NSF: variants seen among roughly 807,000 people sequenced by gnomAD.
The protein encoded by NSF is vesicle-fusing ATPase.
In NSF, 14 loss-of-function variants were observed where a neutral mutation model predicts 50.3. That is an observed-to-expected ratio of 0.28 (90% CI 0.18 to 0.44). The LOEUF is 0.44. NSF is among the 20% of genes least tolerant of loss of function. The probability of loss-of-function intolerance (pLI) is 1.00; values close to 1 mark genes in which losing one functional copy is unlikely to be tolerated. For synonymous variants in NSF, 109 were observed against 175.7 expected (o/e 0.62, Z 3.00); for missense variants, 218 against 504.3 (o/e 0.43, Z 5.44).
At chr17:46,635,776 A>AGTGT (rs1473035591) in intron 4 of NSF, among the ~76,000 whole-genome samples, 1 of 11,266 alleles carries the variant, frequency 8.9e-5, no homozygotes, top group Non-Finnish European at 3.2e-4. Context: ...AGGGAAAATA[A>AGTGT]ATGTGTGTGT....
chr17:46,699,402 GACACACACAC>G (rs4061825), intron 12 of NSF, among the ~76,000 whole-genome samples: 5 of 148,320 alleles, frequency 3.4e-5, no homozygotes, highest in Admixed American at 2.0e-4. Context: ...ATAAACTGAG[GACACACACAC>G]ACACACACAC....
At chr17:46,720,813 G>A (rs770559307) in intron 15 of NSF, among the ~76,000 whole-genome samples, 19 of 152,158 alleles carry the variant, frequency 1.2e-4, no homozygotes, top group Non-Finnish European at 2.2e-4. Flanking sequence ...CAGAGTGTTT[G>A]GCTTTGCTTA....
chr17:46,676,294 G>A (rs1241331327), intron 9 of NSF, among the ~76,000 whole-genome samples: 2 of 140,820 alleles, frequency 1.4e-5, no homozygotes, highest in African/African-American at 2.9e-5. Flanking sequence ...GTGCAATGGC[G>A]TGATCTCGGC....
chr17:46,676,478 C>T lies in NSF; in HGVS notation c.945+1865C>T, dbSNP rs988459935. On this transcript the variant is annotated intron_variant, in intron 9 of 20. Transcript: ENST00000398238. ...AGCTCCCAGCCTCAGGTGATCTGCC[C>T]GCCTTGGCCTCCCAAAGTGCTGAGA... Among the ~76,000 whole-genome samples the T allele has an allele frequency of 3.6e-4, 51 of 143,614 alleles. 5 individuals carry two copies. The highest frequency in any genetic ancestry group is 1.3e-3 in the African/African-American group (49 of 36,352). 94.2% of individuals were successfully genotyped at this position (143,614 alleles called of 152,430 possible).
intron 1 of NSF, among the ~76,000 whole-genome samples, chr17:46,595,553 T>C (rs1323925729): frequency 7.6e-6 from 1 of 131,322 alleles, no homozygotes; most frequent in Non-Finnish European, 1.5e-5. Context: ...TGCAGTGGTG[T>C]TATCTTGGCC....
At chr17:46,748,363 C>T (rs924443805) in intron 17 of NSF, among the ~76,000 whole-genome samples, 7 of 152,300 alleles carry the variant, frequency 4.6e-5, no homozygotes, top group South Asian at 2.1e-4. Flanking sequence ...CCACCTGCCT[C>T]GGCCTCCCAC....
intron 9 of NSF, among the ~76,000 whole-genome samples, chr17:46,684,898 C>T (rs895185340): frequency 9.8e-6 from 1 of 101,786 alleles, no homozygotes; most frequent in Non-Finnish European, 2.0e-5. Flanking sequence ...GATGTAATTT[C>T]TAGTGTGATG....
At chr17:46,728,391 T>A (rs1038930650) in intron 16 of NSF, among the ~76,000 whole-genome samples, 2 of 152,098 alleles carry the variant, frequency 1.3e-5, no homozygotes, top group African/African-American at 4.8e-5. Context: ...CACCTGGAAT[T>A]TTTTTTTCCT....
chr17:46,756,018 G>GGTGT lies in NSF; in HGVS notation c.*196_*199dup. 1 of 568,120 alleles carries GGTGT rather than the reference G, an allele frequency of 1.8e-6. No individual in the cohort carries two copies. Among genetic ancestry groups the GGTGT allele is most frequent in the Non-Finnish European group, 3.1e-6 (1 of 326,872 alleles). The allele number at this position is 568,120 out of a possible 1,614,324, so 35.2% of individuals were successfully genotyped here. A position where few individuals can be genotyped will look rare whatever the true frequency, so the allele number is the denominator to read the frequency against. On this transcript the variant is annotated 3_prime_UTR_variant, in exon 21 of 21. Coordinates refer to ENST00000398238, the MANE Select transcript of NSF (RefSeq NM_006178.4). ...TGAGATAGCTTAGTGTCTCGTGGAA[G>GGTGT]GTGTCAATTTGGTTTAGAATGCTGC...
At chr17:46,752,443 A>G (rs2059190381) in intron 19 of NSF, among the ~76,000 whole-genome samples, 2 of 152,120 alleles carry the variant, frequency 1.3e-5, no homozygotes, top group South Asian at 4.1e-4. Flanking sequence ...GAAGGTGCTC[A>G]GTAAACTTTT....
chr17:46,716,012 C>A (rs2058765181), intron 15 of NSF, among the ~76,000 whole-genome samples: 1 of 152,066 alleles, frequency 6.6e-6, no homozygotes, highest in Admixed American at 6.5e-5. Context: ...AAATATTATT[C>A]TTTGTCATTA....
chr17:46,703,732 C>T lies in NSF; in HGVS notation c.1375-1027C>T, dbSNP rs370800423. Reference sequence around the variant, plus strand: ...AAAAACAGAAAACCATAAAATTTACCGTGTAACCATTTTAAATGTACAATT... The same window carrying T: ...AAAAACAGAAAACCATAAAATTTACTGTGTAACCATTTTAAATGTACAATT... On this transcript the variant is annotated intron_variant, in intron 12 of 20. Transcript: ENST00000398238. Among the ~76,000 whole-genome samples the T allele has an allele frequency of 5.8e-4, 87 of 149,154 alleles. 1 individual carries two copies. Among genetic ancestry groups the T allele is most frequent in the East Asian group, 5.7e-3 (29 of 5,108 alleles).
chr17:46,736,306 G>A (rs772991852), intron 17 of NSF, among the ~76,000 whole-genome samples: 2 of 152,210 alleles, frequency 1.3e-5, no homozygotes, highest in Admixed American at 6.5e-5. Flanking sequence ...TGGCCCACCT[G>A]CTTCCTTTCC....
At chr17:46,755,722 ATT>A (rs71138549) in intron 20 of NSF, 78 bp from the exon 21 acceptor site, 121,399 of 1,006,606 alleles carry the variant, frequency 0.12, 1,238 homozygotes, top group East Asian at 0.41. Flanking sequence ...GCTTTTAGTG[ATT>A]TTTTTTTTTT....
At chr17:46,608,860 C>G (rs1436165013) in intron 1 of NSF, among the ~76,000 whole-genome samples, 1 of 151,958 alleles carries the variant, frequency 6.6e-6, no homozygotes, top group Non-Finnish European at 1.5e-5. Context: ...TCCCAAAGTG[C>G]TGGGATTACA....
In NSF at chr17:46,707,863, C is replaced by G. The variant is rs558764483; in HGVS notation, c.1470+3009C>G. Among the ~76,000 whole-genome samples, 13 of 152,058 alleles carry G rather than the reference C, an allele frequency of 8.5e-5. No individual in the cohort carries two copies. The South Asian group carries it at 2.5e-3, about 29-fold the overall frequency. On this transcript the variant is annotated intron_variant, in intron 13 of 20. Coordinates refer to ENST00000398238, the MANE Select transcript of NSF (RefSeq NM_006178.4). Reference sequence around the variant, plus strand: ...CCTGGCCAACATAGTGAAACCCCATCTCTACTAAAAAATACAAAAATTAGC... The same window carrying G: ...CCTGGCCAACATAGTGAAACCCCATGTCTACTAAAAAATACAAAAATTAGC...
rs1158145218 is a variant in NSF, at chr17:46,751,550, A to C, written c.2091A>C (p.Gln697His). 6.2e-7 allele frequency: 1 copy of C among 1,614,116 alleles called. No homozygotes were observed. ...AGGAACGCACCACAATTGCACAGCA[A>C]GTCAAAGGGAAGAAGGTCTGGATAG... is the stretch of plus-strand genomic sequence containing the variant. ...KDKERTTIAQQVKGKKVWIGI... is the reference protein window; with the variant it reads ...KDKERTTIAQHVKGKKVWIGI... Residue 697 changes from glutamine (Q) to histidine (H), a missense_variant, in exon 19 of 21, where the codon CAA becomes CAC. Physicochemically the swap from Gln to His is conservative, Grantham distance 24. Transcript: ENST00000398238.
At chr17:46,631,061 TACACACACACACACACACACAC>T (rs61399986) in intron 4 of NSF, among the ~76,000 whole-genome samples, 21 of 122,852 alleles carry the variant, frequency 1.7e-4, no homozygotes, top group African/African-American at 7.4e-4. Flanking sequence ...TCTCTCTCTG[TACACACACACACACACACACAC>T]ACACACACAC....
intron 15 of NSF, among the ~76,000 whole-genome samples, chr17:46,722,566 T>C (rs1426788784): frequency 6.6e-6 from 1 of 152,198 alleles, no homozygotes; most frequent in African/African-American, 2.4e-5. Flanking sequence ...CTGTGGCAGC[T>C]AACCTCACGT....
Sources: allele counts gnomAD v4.1 joint callset (sites outside exome capture counted in the v4.1 genomes callset), GRCh38; gene constraint gnomAD v4.1.1; transcripts MANE v1.5; gene names NCBI Gene and HGNC (gene_info 2026-07-23, HGNC 2026-07-21).